Variants in TRRAP observed in about 807,000 individuals in gnomAD.
TRRAP encodes transformation/transcription domain-associated protein.
TRRAP carries 41 observed loss-of-function variants against 438.8 expected under a neutral mutation model. The observed-to-expected ratio is 0.09, with a 90% CI of 0.07 to 0.12. The LOEUF is 0.12. Ranked by LOEUF, TRRAP falls within the 10% of genes least tolerant of loss-of-function variation. The pLI is 1.00. For missense variants in TRRAP, 3,122 were observed against 5,055.1 expected, an observed-to-expected ratio of 0.62 and a Z score of 11.60; for synonymous variants, 1,994 against 1,962.9, an observed-to-expected ratio of 1.02 and a Z score of -0.42.
chr7:98,879,180 G>A (rs1435687687), intron 1 of TRRAP, among the ~76,000 whole-genome samples: 1 of 152,214 alleles, frequency 6.6e-6, no homozygotes, highest in Non-Finnish European at 1.5e-5. Flanking sequence ...CCAGGAGTAG[G>A]AGCAGGCCCG....
chr7:98,962,126 T>G (rs1414761226), intron 46 of TRRAP, among the ~76,000 whole-genome samples, 176 bp from the exon 47 acceptor site: 1 of 152,198 alleles, frequency 6.6e-6, no homozygotes, highest in African/African-American at 2.4e-5. Context: ...GTATTCTGCA[T>G]ATAGCTGTGT....
Position 98,910,238 on chromosome 7 carries a change from CCCACCCCCACCT to C in TRRAP, c.1534_1545del (p.Pro512_Pro515del), listed in dbSNP as rs782054363. On this transcript the variant is annotated inframe_deletion, in exon 15 of 73. Transcript: ENST00000456197. ...TCCCTGCCCCACCTCCACCCCCGCC[CCCACCCCCACCT>C]GCCACCCCTGTGACCCCGGCCCCCG... 2 of 1,436,862 alleles carry C rather than the reference CCCACCCCCACCT, an allele frequency of 1.4e-6. No individual in the cohort carries two copies. The highest frequency in any genetic ancestry group is 4.7e-5 in the Admixed American group (2 of 42,586). 89.0% of individuals were successfully genotyped at this position (1,436,862 alleles called of 1,614,324 possible).
chr7:98,956,060 G>A lies in TRRAP; in HGVS notation c.5938-86G>A. Reference sequence around the variant, plus strand: ...TGTTGGGGCTGAGAGGCATGTCGGGGGTGTGTGTGTGCACGTGCGCACACG... The same window carrying A: ...TGTTGGGGCTGAGAGGCATGTCGGGAGTGTGTGTGTGCACGTGCGCACACG... On this transcript the variant is annotated intron_variant, in intron 41 of 72. Transcript: ENST00000456197. This position sits in a 1 kb window ranked among gnomAD's most constrained non-coding sequence, Gnocchi z 4.5. The A allele has an allele frequency of 1.4e-6, 2 of 1,469,846 alleles. No individual in the cohort carries two copies. Among genetic ancestry groups the A allele is most frequent in the East Asian group, 2.3e-5 (1 of 43,374 alleles). 91.1% of individuals were successfully genotyped at this position (1,469,846 alleles called of 1,614,324 possible).
chr7:98,926,150 A>G (rs1790038742), intron 22 of TRRAP, among the ~76,000 whole-genome samples: 1 of 152,208 alleles, frequency 6.6e-6, no homozygotes, highest in Non-Finnish European at 1.5e-5. Flanking sequence ...AATTCAAGAG[A>G]GAGTAAGAGA....
chr7:98,989,058 G>A (rs1793275816), intron 63 of TRRAP, 92 bp downstream of exon 63: 4 of 1,332,206 alleles, frequency 3.0e-6, no homozygotes, highest in Admixed American at 2.0e-5. Flanking sequence ...TCCGTGCCGG[G>A]TGTGAGGCAT....
At chr7:98,930,887 G>A (rs962460679) in intron 25 of TRRAP, 57 bp downstream of exon 25, 8 of 1,603,294 alleles carry the variant, frequency 5.0e-6, no homozygotes, top group African/African-American at 1.3e-5. Context: ...GTGGTTTCCT[G>A]AAGAATACTA....
chr7:98,900,505 G>C (rs1008683468), intron 10 of TRRAP, 119 bp from the exon 11 acceptor site: 13 of 762,358 alleles, frequency 1.7e-5, no homozygotes, highest in Admixed American at 2.9e-5. Context: ...TATTGTTGCT[G>C]TGTTGTTTGG....
At chr7:98,977,382 G>A (rs1206741912) in intron 56 of TRRAP, among the ~76,000 whole-genome samples, 8 of 152,102 alleles carry the variant, frequency 5.3e-5, no homozygotes, top group Non-Finnish European at 1.2e-4. Context: ...TGCTGGTCTC[G>A]AACTCCTGAC....
intron 21 of TRRAP, 38 bp downstream of exon 21, chr7:98,921,991 G>T: frequency 2.5e-6 from 4 of 1,613,030 alleles, no homozygotes; most frequent in Non-Finnish European, 3.4e-6. Flanking sequence ...TTTAAGCCTT[G>T]TGAAGATACT....
At position 99,012,516 on chromosome 7, in the gene TRRAP, A is replaced by G. The variant is rs1794474895; in HGVS notation, c.*161A>G. ...GTAGTTTGCGTGTAAGAAAGGGAGA[A>G]TATAGTTTTAGAGGAAGCTGAACTA... On this transcript the variant is annotated 3_prime_UTR_variant, in exon 73 of 73. Transcript: ENST00000456197. The surrounding 1 kb of genome is among the most constrained non-coding windows in gnomAD (Gnocchi z 5.9). The G allele has an allele frequency of 1.1e-6, 1 of 903,036 alleles. No homozygotes were observed. The highest frequency in any genetic ancestry group is 2.9e-5 in the Admixed American group (1 of 34,018). 55.9% of individuals were successfully genotyped at this position (903,036 alleles called of 1,614,324 possible). A position where few individuals can be genotyped will look rare whatever the true frequency, so the allele number is the denominator to read the frequency against.
At chr7:98,910,647 A>G in intron 16 of TRRAP, 40 bp downstream of exon 16, 1 of 1,529,822 alleles carries the variant, frequency 6.5e-7, no homozygotes, top group African/African-American at 1.4e-5. Context: ...GCATATGGAA[A>G]GTACCTCTTA....
At chr7:98,930,896 T>C in intron 25 of TRRAP, 66 bp downstream of exon 25, 2 of 1,584,100 alleles carry the variant, frequency 1.3e-6, no homozygotes, top group Non-Finnish European at 1.7e-6. Context: ...TGAAGAATAC[T>C]ATAAGATCCT....
rs1789493714 is a variant in TRRAP at position 98,915,717 on chromosome 7, C to A, written c.2200-6C>A. On this transcript the variant is annotated splice_polypyrimidine_tract_variant and splice_region_variant and intron_variant, in intron 18 of 72. Coordinates refer to ENST00000456197, the MANE Select transcript of TRRAP (RefSeq NM_001375524.1). ...GCCACTAATCTGCGTCTTCTCCACC[C>A]CGCAGCCTCACTTGCACAAGATTGT... 3.1e-6 allele frequency: 5 copies of A among 1,613,000 alleles called. No homozygotes were observed. The Admixed American group carries it at 6.7e-5, about 22-fold the overall frequency.
At chr7:98,916,075 G>T (rs1789508117) in intron 19 of TRRAP, among the ~76,000 whole-genome samples, 187 bp downstream of exon 19, 1 of 151,776 alleles carries the variant, frequency 6.6e-6, no homozygotes, top group Non-Finnish European at 1.5e-5. Context: ...GACTTTGAAG[G>T]GCGCTGCCTT....
In TRRAP at chr7:98,921,744, G is replaced by A. The variant is rs1789807100; in HGVS notation, c.2623-9G>A. The A allele has an allele frequency of 2.5e-6, 4 of 1,613,806 alleles. No homozygotes were observed. In the East Asian group the frequency reaches 8.9e-5, roughly 36 times the overall value. Reference sequence around the variant, plus strand: ...AAGAGGACCTTAATGAAAGCACGCTGATTTTCAGGCTCTGTGGCGCACCTT... The same window carrying A: ...AAGAGGACCTTAATGAAAGCACGCTAATTTTCAGGCTCTGTGGCGCACCTT... On this transcript the variant is annotated splice_polypyrimidine_tract_variant and intron_variant, in intron 20 of 72. Coordinates refer to ENST00000456197, the MANE Select transcript of TRRAP (RefSeq NM_001375524.1).
Position 98,956,654 on chromosome 7 carries a change from G to A in TRRAP, c.6231+121G>A. ...CATTCAGGAGAGGAAGCTGGGAACAGCCACGGTCACCAGATTGAAACTCCA... is the reference window on the plus strand; with the variant it reads ...CATTCAGGAGAGGAAGCTGGGAACAACCACGGTCACCAGATTGAAACTCCA... On this transcript the variant is annotated intron_variant, in intron 43 of 72. Transcript: ENST00000456197. This position sits in a 1 kb window ranked among gnomAD's most constrained non-coding sequence, Gnocchi z 4.5. 1 of 1,468,682 alleles carries A rather than the reference G, an allele frequency of 6.8e-7. No individual in the cohort carries two copies. Among genetic ancestry groups the A allele is most frequent in the South Asian group, 1.4e-5 (1 of 72,844 alleles). The allele number at this position is 1,468,682 out of a possible 1,614,324, so 91.0% of individuals were successfully genotyped here.
Position 98,950,203 on chromosome 7 carries a change from C to G in TRRAP, c.5275C>G (p.Leu1759Val). 6.2e-7 allele frequency: 1 copy of G among 1,614,210 alleles called. No homozygotes were observed. The highest frequency in any genetic ancestry group is 1.3e-5 in the African/African-American group (1 of 75,046). Residue 1759 changes from leucine to valine, a missense_variant, in exon 38 of 73, where the codon CTG (leucine) becomes GTG (valine). Transcript: ENST00000456197. ...KNYSIAQKRA[L>V]FFRFVDFNDP... The stretch of plus-strand genomic sequence containing the variant: ...TTACAGCATCGCTCAGAAACGTGCC[C>G]TGTTCTTTCGCTTTGTAGACTTCAA...
chr7:98,927,888 C>A (rs1790124757), intron 23 of TRRAP, among the ~76,000 whole-genome samples: 1 of 152,130 alleles, frequency 6.6e-6, no homozygotes, highest in African/African-American at 2.4e-5. Context: ...TGGTGAAGGG[C>A]CACTTGTATT....
chr7:98,969,409 AC>A (rs1256143250), intron 51 of TRRAP, among the ~76,000 whole-genome samples: 1 of 151,794 alleles, frequency 6.6e-6, no homozygotes, highest in Non-Finnish European at 1.5e-5. Flanking sequence ...CTGTCAGTCC[AC>A]CCTGTTTCCT....
Sources: allele counts gnomAD v4.1 joint callset (sites outside exome capture counted in the v4.1 genomes callset), GRCh38; gene constraint gnomAD v4.1.1; non-coding constraint Gnocchi (gnomAD v3.1); transcripts MANE v1.5; gene names NCBI Gene and HGNC (gene_info 2026-07-23, HGNC 2026-07-21).